MEIOSIN: variants seen among roughly 807,000 people sequenced by gnomAD.
MEIOSIN encodes the protein meiosis initiator.
Under a neutral mutation model 23.4 loss-of-function variants are expected in MEIOSIN, and 18 were observed. The ratio of observed to expected loss-of-function variants is 0.77; its 90% confidence interval spans 0.53 to 1.14. MEIOSIN has a LOEUF of 1.14. Among genes scored for constraint, MEIOSIN ranks in the 50% most tolerant of loss-of-function variants. The pLI is 0.00. For missense variants in MEIOSIN, 428 were observed against 242.9 expected (o/e 1.76, Z -5.07); for synonymous variants, 187 against 100.6 (o/e 1.86, Z -5.14).
In MEIOSIN at chr19:45,733,875, CTGTT is replaced by C. The variant is rs1030584422; in HGVS notation, c.-1+213_-1+216del. On this transcript the variant is annotated intron_variant, in intron 1 of 14. Transcript: ENST00000457052. This position sits in a 1 kb window ranked among gnomAD's most constrained non-coding sequence, Gnocchi z 5.7. ...GTTCGAGTTTGAGGAACGGAAGACT[CTGTT>C]TGTGTTGGGAATCCGGGCTCTCGAG... Among the ~76,000 whole-genome samples the C allele has an allele frequency of 5.8e-4, 88 of 152,180 alleles. No homozygotes were observed. The highest frequency in any genetic ancestry group is 1.8e-3 in the African/African-American group (76 of 41,542).
intron 7 of MEIOSIN, among the ~76,000 whole-genome samples, chr19:45,755,008 C>T (rs1968793983): frequency 6.6e-6 from 1 of 152,168 alleles, no homozygotes; most frequent in Non-Finnish European, 1.5e-5. Flanking sequence ...CTTGGCTCTC[C>T]CATGCCCCAG....
chr19:45,762,776 A>C lies in MEIOSIN; in HGVS notation c.1680-562A>C, dbSNP rs147311594. Among the ~76,000 whole-genome samples, 109 of 152,298 alleles carry C rather than the reference A, an allele frequency of 7.2e-4. 3 individuals are homozygous for C. The highest frequency in any genetic ancestry group is 2.5e-3 in the African/African-American group (103 of 41,566). On this transcript the variant is annotated intron_variant, in intron 13 of 14. Transcript: ENST00000457052. ...ATGAATTGGCTTATATAACCTAGAA[A>C]ACAAGGGCGGGTATAGACTGCCTTG...
intron 2 of MEIOSIN, among the ~76,000 whole-genome samples, chr19:45,737,418 G>T (rs527294580): frequency 1.3e-5 from 2 of 150,576 alleles, no homozygotes; most frequent in African/African-American, 4.9e-5. Context: ...GGGATCCAGT[G>T]ATCCACCCAG....
intron 9 of MEIOSIN, among the ~76,000 whole-genome samples, chr19:45,758,424 C>T (rs1968875387): frequency 6.6e-6 from 1 of 151,362 alleles, no homozygotes; most frequent in Non-Finnish European, 1.5e-5. Context: ...TGCTTCATTT[C>T]TTCTTCTTTT....
intron 8 of MEIOSIN, among the ~76,000 whole-genome samples, chr19:45,756,774 G>T (rs552993932): frequency 6.6e-6 from 1 of 152,020 alleles, no homozygotes; most frequent in East Asian, 1.9e-4. Flanking sequence ...AACTCACCTC[G>T]TCAGCCCTCT....
intron 2 of MEIOSIN, among the ~76,000 whole-genome samples, chr19:45,736,661 C>A (rs1006142528): frequency 6.6e-6 from 1 of 152,118 alleles, no homozygotes; most frequent in Non-Finnish European, 1.5e-5. Flanking sequence ...CTCAACCTCC[C>A]GGATTCACGC....
chr19:45,756,132 G>A (rs970055461), intron 8 of MEIOSIN, 54 bp downstream of exon 8: 6 of 697,310 alleles, frequency 8.6e-6, no homozygotes, highest in African/African-American at 1.7e-5. Flanking sequence ...TTGGTCTGGC[G>A]TGGGTGAGGG....
At chr19:45,753,611 G>A (rs1226849892) in intron 5 of MEIOSIN, 40 bp from the exon 6 acceptor site, 1 of 681,386 alleles carries the variant, frequency 1.5e-6, no homozygotes, top group Non-Finnish European at 2.7e-6. Context: ...GATGCAGATG[G>A]GGTGGGGGAT....
chr19:45,746,528 G>T (rs768773935), intron 4 of MEIOSIN, among the ~76,000 whole-genome samples: 2 of 152,134 alleles, frequency 1.3e-5, no homozygotes, highest in Non-Finnish European at 2.9e-5. Flanking sequence ...CAGATAAACA[G>T]GAATAATCAG....
intron 4 of MEIOSIN, among the ~76,000 whole-genome samples, chr19:45,746,777 C>T (rs1242793566): frequency 6.6e-6 from 1 of 150,982 alleles, no homozygotes; most frequent in African/African-American, 2.4e-5. Flanking sequence ...TCCGAGATCG[C>T]GCCATTGCAC....
At position 45,762,379 on chromosome 19, in the gene MEIOSIN, G is replaced by A. The variant is rs530177526; in HGVS notation, c.1679+196G>A. On this transcript the variant is annotated intron_variant, in intron 13 of 14. Transcript: ENST00000457052. Reference sequence around the variant, plus strand: ...TGGACAGGGTCCATCCATTGTCAGCGCTGAAACCCAATTCAGGCTTTAGAC... The same window carrying A: ...TGGACAGGGTCCATCCATTGTCAGCACTGAAACCCAATTCAGGCTTTAGAC... 6.6e-5 allele frequency among the ~76,000 whole-genome samples: 10 copies of A among 152,130 alleles called. No individual in the cohort carries two copies. The East Asian group carries it at 9.7e-4, about 15-fold the overall frequency.
intron 4 of MEIOSIN, among the ~76,000 whole-genome samples, chr19:45,747,407 GC>G (rs1568555807): frequency 6.6e-6 from 1 of 152,096 alleles, no homozygotes; most frequent in Non-Finnish European, 1.5e-5. Context: ...ATTGCCCCCT[GC>G]CCCGTCTGAT....
chr19:45,755,877 G>A (rs1968815521), intron 7 of MEIOSIN, 93 bp from the exon 8 acceptor site: 4 of 642,736 alleles, frequency 6.2e-6, no homozygotes, highest in Non-Finnish European at 1.1e-5. Context: ...GAGAGGGTGT[G>A]TGGCAGAAGC....
chr19:45,745,840 G>T (rs1417577110), intron 4 of MEIOSIN, among the ~76,000 whole-genome samples: 1 of 152,176 alleles, frequency 6.6e-6, no homozygotes, highest in Non-Finnish European at 1.5e-5. Flanking sequence ...CGAAAGTGCT[G>T]GGATTACAGG....
intron 4 of MEIOSIN, among the ~76,000 whole-genome samples, chr19:45,748,556 C>A (rs559635675): frequency 3.2e-4 from 49 of 152,272 alleles, no homozygotes; most frequent in South Asian, 6.2e-4. Context: ...TTTGAGAGTC[C>A]AGACTCTGGT....
chr19:45,739,625 G>T lies in MEIOSIN; in HGVS notation c.72-1G>T, dbSNP rs1391332464. ...CCAATCACTGTGACTATTCTTGGCA[G>T]GACCTTGGTTTTGTGCTCCCTAGTG... On this transcript the variant is annotated splice_acceptor_variant, in intron 2 of 14. Transcript: ENST00000457052. LOFTEE classifies it high-confidence loss of function. The T allele has an allele frequency of 2.8e-6, 2 of 703,012 alleles. No homozygotes were observed. The highest frequency in any genetic ancestry group is 5.2e-6 in the Non-Finnish European group (2 of 384,996). 43.5% of individuals were successfully genotyped at this position (703,012 alleles called of 1,614,324 possible).
At position 45,735,332 on chromosome 19, in the gene MEIOSIN, C is replaced by T. The variant is rs1433340556; in HGVS notation, c.1-45C>T. Reference sequence around the variant, plus strand: ...CCATCAGGGTTCCTGCCCATCCTTCCTGCAATCCCAGAGGTCACTAATCAT... The same window carrying T: ...CCATCAGGGTTCCTGCCCATCCTTCTTGCAATCCCAGAGGTCACTAATCAT... On this transcript the variant is annotated intron_variant, in intron 1 of 14. Coordinates refer to ENST00000457052, the MANE Select transcript of MEIOSIN (RefSeq NM_001310124.2). The T allele has an allele frequency of 4.3e-6, 3 of 700,870 alleles. No individual in the cohort carries two copies. The South Asian group carries it at 4.4e-5, about 10-fold the overall frequency. 43.4% of individuals were successfully genotyped at this position (700,870 alleles called of 1,614,324 possible).
intron 3 of MEIOSIN, among the ~76,000 whole-genome samples, chr19:45,741,717 C>T (rs1468266546): frequency 1.3e-5 from 2 of 151,820 alleles, no homozygotes; most frequent in East Asian, 3.9e-4. Context: ...CCTCAGAAAC[C>T]AACCAACCAA....
Position 45,757,205 on chromosome 19 carries a change from G to A in MEIOSIN, c.940G>A (p.Glu314Lys), listed in dbSNP as rs747475761. ...RQKLVFYDSSEDVDKGSLDAD... is the reference protein window; with the variant it reads ...RQKLVFYDSSKDVDKGSLDAD... ...GAAGCTGGTGTTCTATGATTCCAGC[G>A]AGGATGTGGACAAAGGGTCCCTAGA... Residue 314 changes from glutamate to lysine, a missense_variant, in exon 9 of 15, where the codon GAG (glutamate) becomes AAG (lysine). Glu to Lys is a moderately conservative substitution (Grantham distance 56). Coordinates refer to ENST00000457052, the MANE Select transcript of MEIOSIN (RefSeq NM_001310124.2). 8.5e-6 allele frequency: 6 copies of A among 702,938 alleles called. No individual in the cohort carries two copies. Among genetic ancestry groups the A allele is most frequent in the South Asian group, 1.5e-5 (1 of 67,572 alleles). 43.5% of individuals were successfully genotyped at this position (702,938 alleles called of 1,614,324 possible).
Sources: allele counts gnomAD v4.1 joint callset (sites outside exome capture counted in the v4.1 genomes callset), GRCh38; gene constraint gnomAD v4.1.1; non-coding constraint Gnocchi (gnomAD v3.1); transcripts MANE v1.5; gene names NCBI Gene and HGNC (gene_info 2026-07-23, HGNC 2026-07-21).